The following HSD17B12 variants were observed in gnomAD, a reference collection of about 807,000 sequenced individuals.
HSD17B12 encodes hydroxysteroid 17-beta dehydrogenase 12, also known as very-long-chain 3-oxoacyl-CoA reductase.
A neutral mutation model predicts 39.3 loss-of-function variants in HSD17B12; 32 were observed. The observed-to-expected ratio is 0.81, with a 90% CI of 0.61 to 1.09. HSD17B12 has a LOEUF of 1.09. Among genes scored for constraint, HSD17B12 ranks in the 50% least tolerant of loss-of-function variants. HSD17B12 has a pLI of 0.00. For synonymous variants in HSD17B12, 150 were observed against 146.7 expected (o/e 1.02, Z -0.16); for missense variants, 342 against 382.9 (o/e 0.89, Z 0.89).
intron 9 of HSD17B12, among the ~76,000 whole-genome samples, chr11:43,846,660 G>C (rs1951477700): frequency 6.6e-6 from 1 of 152,084 alleles, no homozygotes. Flanking sequence ...ACAAGACTTT[G>C]TCTCAAAAAA....
intron 3 of HSD17B12, among the ~76,000 whole-genome samples, chr11:43,760,603 C>T (rs1476604121): frequency 6.6e-6 from 1 of 152,080 alleles, no homozygotes; most frequent in Non-Finnish European, 1.5e-5. Context: ...GTCCATTTCA[C>T]TTTTTCAGGC....
At chr11:43,759,564 GA>G (rs1448192246) in intron 3 of HSD17B12, among the ~76,000 whole-genome samples, 2 of 152,044 alleles carry the variant, frequency 1.3e-5, no homozygotes, top group African/African-American at 2.4e-5. Context: ...AAAAAAACTA[GA>G]AATTTTTTTA....
At chr11:43,754,239 T>C in intron 3 of HSD17B12, 118 bp downstream of exon 3, 3 of 705,826 alleles carry the variant, frequency 4.3e-6, no homozygotes, top group African/African-American at 1.8e-5. Context: ...AGAGATATCA[T>C]TAAAGAGCAT....
chr11:43,642,648 A>T, the HSD17B12 span, among the ~76,000 whole-genome samples: 1 of 151,860 alleles, frequency 6.6e-6, no homozygotes, highest in Non-Finnish European at 1.5e-5. Context: ...GGTAGCTATT[A>T]AAAAAGAGAG....
intron 3 of HSD17B12, among the ~76,000 whole-genome samples, chr11:43,792,950 G>A (rs1037910840): frequency 1.3e-5 from 2 of 152,186 alleles, no homozygotes; most frequent in African/African-American, 4.8e-5. Context: ...TAAATCAGCT[G>A]TGTTGGCCTA....
At chr11:43,611,880 C>T in the HSD17B12 span, among the ~76,000 whole-genome samples, 166 of 152,284 alleles carry the variant, frequency 1.1e-3, no homozygotes, top group African/African-American at 3.8e-3. Flanking sequence ...TTTACTTCCC[C>T]AAGGTCACTG....
the HSD17B12 span, chr11:43,644,089 T>G: frequency 6.6e-6 from 1 of 152,022 alleles, no homozygotes; most frequent in Non-Finnish European, 1.5e-5. Context: ...ATTGAAAGGG[T>G]GAAAGTAGGT....
chr11:43,852,106 T>C (rs1486190410), intron 9 of HSD17B12: 1 of 152,210 alleles, frequency 6.6e-6, no homozygotes, highest in African/African-American at 2.4e-5. Context: ...GAATTTACAT[T>C]TCTTAGCTGG....
intron 1 of HSD17B12, among the ~76,000 whole-genome samples, chr11:43,698,541 G>A (rs980980757): frequency 3.3e-5 from 5 of 152,174 alleles, no homozygotes; most frequent in African/African-American, 1.2e-4. Context: ...AAAGTATAGT[G>A]GAAAGAACGG....
rs2135157139 is a variant in HSD17B12 at position 43,856,424 on chromosome 11, C to T, written c.*1176C>T. ...TGTATTAAAAGAAAAAAAAATGGGG[C>T]CTTAGCTTCTGGCTTTTAATTTTGC... is the stretch of plus-strand genomic sequence containing the variant. On this transcript the variant is annotated 3_prime_UTR_variant, in exon 11 of 11. Transcript: ENST00000278353. 1 of 152,194 alleles carries T rather than the reference C, an allele frequency of 6.6e-6. No homozygotes were observed. The highest frequency in any genetic ancestry group is 2.4e-5 in the African/African-American group (1 of 41,510). The allele number at this position is 152,194 out of a possible 1,614,324, so 9.4% of individuals were successfully genotyped here.
chr11:43,735,873 A>T (rs980858595), intron 1 of HSD17B12, among the ~76,000 whole-genome samples: 1 of 152,156 alleles, frequency 6.6e-6, no homozygotes, highest in Admixed American at 6.5e-5. Flanking sequence ...GTGGCAGGAG[A>T]GAGAGATCGA....
intron 3 of HSD17B12, among the ~76,000 whole-genome samples, chr11:43,796,505 T>C (rs6485463): frequency 0.23 from 34,249 of 152,196 alleles, 4,117 homozygotes; most frequent in Middle Eastern, 0.37. Context: ...CCAGAAGCCA[T>C]TTGCTTATGC....
At chr11:43,735,391 T>C (rs1950307498) in intron 1 of HSD17B12, among the ~76,000 whole-genome samples, 3 of 152,220 alleles carry the variant, frequency 2.0e-5, no homozygotes, top group Admixed American at 6.5e-5. Context: ...CTACTAGCAA[T>C]GTACAAGGGC....
chr11:43,822,784 A>G (rs1055338636), intron 6 of HSD17B12, among the ~76,000 whole-genome samples: 10 of 152,184 alleles, frequency 6.6e-5, no homozygotes, highest in Admixed American at 4.6e-4. Flanking sequence ...TAGTGCCACA[A>G]TAAACATACG....
At chr11:43,562,488 T>A in the HSD17B12 span, among the ~76,000 whole-genome samples, 1 of 152,236 alleles carries the variant, frequency 6.6e-6, no homozygotes, top group Admixed American at 6.5e-5. Flanking sequence ...GACGATTCAT[T>A]GAGTTGATAT....
chr11:43,672,830 C>T, the HSD17B12 span, among the ~76,000 whole-genome samples: 4 of 152,292 alleles, frequency 2.6e-5, no homozygotes, highest in East Asian at 1.9e-4. Context: ...CGTGAGTCGC[C>T]GCACCCTGGC....
At chr11:43,589,703 A>C in the HSD17B12 span, among the ~76,000 whole-genome samples, 2 of 152,170 alleles carry the variant, frequency 1.3e-5, no homozygotes, top group African/African-American at 4.8e-5. Context: ...TGGTCTTGCT[A>C]TCTGTCCTTT....
chr11:43,799,143 T>G (rs1054950673), intron 4 of HSD17B12, among the ~76,000 whole-genome samples: 11 of 152,142 alleles, frequency 7.2e-5, no homozygotes, highest in African/African-American at 2.7e-4. Context: ...GAGAAGACTT[T>G]AGAGATTTTT....
chr11:43,656,673 A>C, the HSD17B12 span, among the ~76,000 whole-genome samples: 1 of 152,178 alleles, frequency 6.6e-6, no homozygotes, highest in South Asian at 2.1e-4. Context: ...GTAGTCATTC[A>C]GGAGCAGGGT....
Sources: gnomAD v4.1 joint callset for allele counts (sites outside exome capture counted in the v4.1 genomes callset) on GRCh38, gnomAD v4.1.1 for gene constraint, MANE v1.5 for transcripts, NCBI Gene and HGNC (gene_info 2026-07-23, HGNC 2026-07-21) for gene names.